SAMMSON: variants seen among roughly 807,000 people sequenced by gnomAD.
SAMMSON encodes long intergenic non-protein coding RNA 1212.
chr3:70,153,766 C>T (rs1293193671), intron 4 of SAMMSON, among the ~76,000 whole-genome samples: 1 of 151,970 alleles, frequency 6.6e-6, no homozygotes, highest in Non-Finnish European at 1.5e-5. Flanking sequence ...AATGCATTCA[C>T]ACTGTTGTGC....
At chr3:70,392,714 A>C (rs1466096527), downstream of SAMMSON, among the ~76,000 whole-genome samples, 1 of 152,136 alleles carries the variant, frequency 6.6e-6, no homozygotes, top group Admixed American at 6.6e-5. Context: ...TGGCATCCCC[A>C]TCTATAAAGT....
chr3:70,234,353 A>C (rs963935772), intron 4 of SAMMSON, among the ~76,000 whole-genome samples: 9 of 152,308 alleles, frequency 5.9e-5, no homozygotes, highest in Admixed American at 2.6e-4. Flanking sequence ...AGTACTGATA[A>C]AATTCCAGTG....
chr3:70,111,506 A>G (rs1021064057), intron 4 of SAMMSON, among the ~76,000 whole-genome samples: 1 of 152,166 alleles, frequency 6.6e-6, no homozygotes, highest in African/African-American at 2.4e-5. Context: ...TTCATAATGC[A>G]TAGGACTCCC....
At chr3:70,069,550 A>G (rs967060447) in intron 3 of SAMMSON, 1 of 152,172 alleles carries the variant, frequency 6.6e-6, no homozygotes, top group African/African-American at 2.4e-5. Context: ...AAGCTTGTAG[A>G]GAGGTTAGAT....
chr3:70,239,091 A>G (rs955010136), intron 4 of SAMMSON, among the ~76,000 whole-genome samples: 1 of 152,188 alleles, frequency 6.6e-6, no homozygotes, highest in Non-Finnish European at 1.5e-5. Flanking sequence ...GGAAAAGAAT[A>G]AAGAAACTGA....
intron 6 of SAMMSON, among the ~76,000 whole-genome samples, chr3:70,270,479 C>G (rs535530451): frequency 7.9e-5 from 12 of 152,262 alleles, no homozygotes; most frequent in African/African-American, 2.6e-4. Flanking sequence ...GTGGCTACCT[C>G]TCATTATTGT....
At chr3:70,347,128 A>G (rs1445998808) in intron 7 of SAMMSON, among the ~76,000 whole-genome samples, 1 of 152,222 alleles carries the variant, frequency 6.6e-6, no homozygotes, top group East Asian at 1.9e-4. Context: ...ACGGAAATCA[A>G]TTTAATAGCA....
At chr3:70,317,708 G>T (rs150524615) in intron 7 of SAMMSON, among the ~76,000 whole-genome samples, 4 of 151,346 alleles carry the variant, frequency 2.6e-5, no homozygotes, top group African/African-American at 9.7e-5. Context: ...AAAAAAATTC[G>T]TTTAATGTTT....
chr3:70,434,374 T>G (rs752675394), intron 2 of SAMMSON, among the ~76,000 whole-genome samples: 15 of 152,214 alleles, frequency 9.9e-5, no homozygotes, highest in Non-Finnish European at 1.6e-4. Context: ...AAGTATTTAA[T>G]TTTGTGTTAA....
chr3:70,245,627 G>T (rs1032292983), intron 4 of SAMMSON, among the ~76,000 whole-genome samples: 1 of 133,806 alleles, frequency 7.5e-6, no homozygotes, highest in Non-Finnish European at 1.6e-5. Context: ...TTTCTACAAA[G>T]AAATCAGAAT....
At chr3:70,187,919 T>C (rs893575851) in intron 4 of SAMMSON, among the ~76,000 whole-genome samples, 21 of 152,064 alleles carry the variant, frequency 1.4e-4, no homozygotes, top group Admixed American at 3.9e-4. Flanking sequence ...GTTCACTTTG[T>C]CTCCCTATAA....
chr3:70,358,678 G>GT (rs561438838), intron 9 of SAMMSON, among the ~76,000 whole-genome samples: 8 of 150,770 alleles, frequency 5.3e-5, no homozygotes, highest in African/African-American at 1.7e-4. Context: ...TATATCTTCT[G>GT]TTTTTTTTTC....
chr3:70,399,363 A>G (rs555013018), intron 2 of SAMMSON, among the ~76,000 whole-genome samples: 1 of 152,280 alleles, frequency 6.6e-6, no homozygotes, highest in South Asian at 2.1e-4. Flanking sequence ...AAAGTATGAA[A>G]TTCATTGGGT....
At chr3:70,317,933 TGACAG>T (rs983787763) in intron 7 of SAMMSON, among the ~76,000 whole-genome samples, 6 of 151,872 alleles carry the variant, frequency 4.0e-5, no homozygotes, top group South Asian at 2.1e-4. Flanking sequence ...AATTCTTTAT[TGACAG>T]GTTTTTTTTG....
intron 3 of SAMMSON, among the ~76,000 whole-genome samples, chr3:70,063,250 A>G (rs1026678000): frequency 1.3e-5 from 2 of 152,116 alleles, no homozygotes; most frequent in Non-Finnish European, 2.9e-5. Context: ...TAACTTTTGT[A>G]TAATATTTGA....
At chr3:70,125,132 A>G (rs2067451431) in intron 4 of SAMMSON, 3 of 1,534,034 alleles carry the variant, frequency 2.0e-6, no homozygotes, top group Non-Finnish European at 2.7e-6. Context: ...TTGAACCACC[A>G]TGGGTTTTCC....
chr3:70,089,118 T>C (rs1249455647), intron 4 of SAMMSON, among the ~76,000 whole-genome samples: 1 of 152,140 alleles, frequency 6.6e-6, no homozygotes, highest in East Asian at 1.9e-4. Flanking sequence ...AAAAACAAAC[T>C]GCTTGTTATA....
chr3:70,367,695 A>G (rs775177238), intron 9 of SAMMSON, among the ~76,000 whole-genome samples: 16 of 151,804 alleles, frequency 1.1e-4, no homozygotes, highest in South Asian at 2.1e-4. Context: ...ATCGGAAAGC[A>G]TATATTTCTT....
intron 4 of SAMMSON, among the ~76,000 whole-genome samples, chr3:70,198,997 T>C (rs939558265): frequency 6.6e-6 from 1 of 152,202 alleles, no homozygotes; most frequent in African/African-American, 2.4e-5. Flanking sequence ...TGAAGACCAC[T>C]ACTATAGCAG....
Sources: gnomAD v4.1 joint callset for allele counts (sites outside exome capture counted in the v4.1 genomes callset) on GRCh38, gnomAD v4.1.1 for gene constraint, MANE v1.5 for transcripts, NCBI Gene and HGNC (gene_info 2026-07-23, HGNC 2026-07-21) for gene names.